SLC2A14: variants seen among roughly 807,000 people sequenced by gnomAD.
The protein encoded by SLC2A14 is solute carrier family 2 member 14.
In SLC2A14, 13 loss-of-function variants were observed where a neutral mutation model predicts 43.0. That is an observed-to-expected ratio of 0.30 (90% CI 0.20 to 0.48). The LOEUF is 0.48. SLC2A14 is among the 20% of genes least tolerant of loss of function. The pLI is 0.99. For missense variants in SLC2A14, 428 were observed against 620.4 expected (o/e 0.69, Z 3.29); for synonymous variants, 190 against 233.8 (o/e 0.81, Z 1.71).
chr12:7,844,590 T>A (rs1367297707), intron 2 of SLC2A14, among the ~76,000 whole-genome samples: 1 of 151,478 alleles, frequency 6.6e-6, no homozygotes, highest in Non-Finnish European at 1.5e-5. Context: ...AGGCTGGAGT[T>A]CAGTGGCACA....
chr12:7,869,822 G>C (rs752794739), intron 2 of SLC2A14, 41 bp downstream of exon 2: 1 of 1,310,324 alleles, frequency 7.6e-7, no homozygotes, highest in South Asian at 1.3e-5. Flanking sequence ...ACATAACTCT[G>C]ACAAACCAAT....
At chr12:7,878,077 T>G (rs1945494331), upstream of SLC2A14, among the ~76,000 whole-genome samples, 1 of 151,432 alleles carries the variant, frequency 6.6e-6, no homozygotes, top group East Asian at 2.0e-4. Flanking sequence ...TGAGACAGAG[T>G]TTCACTCTTG....
chr12:7,872,398 G>A (rs1233814741), intron 1 of SLC2A14: 1 of 152,022 alleles, frequency 6.6e-6, no homozygotes, highest in African/African-American at 2.4e-5. Flanking sequence ...TCCTCACAAA[G>A]GCCTCTCAGA....
chr12:7,854,035 TG>T (rs772741837), intron 2 of SLC2A14, among the ~76,000 whole-genome samples: 15 of 152,132 alleles, frequency 9.9e-5, no homozygotes, highest in Non-Finnish European at 1.9e-4. Flanking sequence ...TTTTCAATGA[TG>T]GCTTTCCCCC....
intron 2 of SLC2A14, among the ~76,000 whole-genome samples, chr12:7,836,931 G>A (rs1592205359): frequency 6.6e-6 from 1 of 152,112 alleles, no homozygotes; most frequent in Admixed American, 6.6e-5. Context: ...CATTTTAGGA[G>A]GCTGAGGCAG....
chr12:7,821,970 A>C (rs1404242133), intron 7 of SLC2A14, among the ~76,000 whole-genome samples: 2 of 151,434 alleles, frequency 1.3e-5, no homozygotes, highest in East Asian at 4.0e-4. Context: ...GATTACAGGC[A>C]TGTGCCACCA....
chr12:7,826,834 T>TTTCTTTCCTTCC lies in SLC2A14; in HGVS notation c.864+660_864+661insGGAAGGAAAGAA, dbSNP rs138356665. On this transcript the variant is annotated intron_variant, in intron 7 of 10. Coordinates refer to ENST00000431042, the MANE Select transcript of SLC2A14 (RefSeq NM_001286234.2). ...TCGCTCTTTTTTCTTTCTTTCTTTC[T>TTTCTTTCCTTCC]TTCCTTCCTTCCTTCCTTCCTTTCT... Among the ~76,000 whole-genome samples the TTTCTTTCCTTCC allele has an allele frequency of 1.6e-3, 46 of 29,622 alleles. 2 individuals carry two copies. The highest frequency in any genetic ancestry group is 4.1e-3 in the Admixed American group (9 of 2,218). 19.4% of individuals were successfully genotyped at this position (29,622 alleles called of 152,430 possible). A position where few individuals can be genotyped will look rare whatever the true frequency, so the allele number is the denominator to read the frequency against.
rs149992726 is a variant in SLC2A14, at chr12:7,865,217, C to A, written c.18+4646G>T. ...TGTCATTGTTTTGGCATGAACCATA[C>A]CTATATAAGACAATGAATATACAAA... On this transcript the variant is annotated intron_variant, in intron 2 of 10. Transcript: ENST00000431042. Among the ~76,000 whole-genome samples, 693 of 152,168 alleles carry A rather than the reference C, an allele frequency of 4.6e-3. 6 individuals are homozygous for A. The highest frequency in any genetic ancestry group is 0.015 in the African/African-American group (620 of 41,508).
chr12:7,874,948 ATATATT>A (rs1275085989), upstream of SLC2A14, among the ~76,000 whole-genome samples: 3 of 14,284 alleles, frequency 2.1e-4, no homozygotes, highest in African/African-American at 6.1e-4. Flanking sequence ...TTATATATAA[ATATATT>A]TATATATAAA....
intron 2 of SLC2A14, among the ~76,000 whole-genome samples, chr12:7,850,045 A>G (rs73057318): frequency 0.012 from 1,793 of 151,540 alleles, 20 homozygotes; most frequent in Non-Finnish European, 0.016. Context: ...AAAAAAAAAA[A>G]GAGCCAAGAA....
At chr12:7,827,083 CTTT>C (rs1864547101) in intron 7 of SLC2A14, among the ~76,000 whole-genome samples, 1 of 108,792 alleles carries the variant, frequency 9.2e-6, no homozygotes, top group Admixed American at 1.0e-4. Context: ...CTCTTTCTTT[CTTT>C]CTTTCTTTCT....
At chr12:7,841,811 G>A (rs1051726717) in intron 2 of SLC2A14, among the ~76,000 whole-genome samples, 1 of 151,904 alleles carries the variant, frequency 6.6e-6, no homozygotes, top group Non-Finnish European at 1.5e-5. Flanking sequence ...TTCGACACCA[G>A]CCCAACCAAC....
rs1415526850 is a variant in SLC2A14, at chr12:7,817,983, C to G, written c.1123G>C (p.Val375Leu). 1.2e-6 allele frequency: 2 copies of G among 1,614,022 alleles called. No individual in the cohort carries two copies. Among genetic ancestry groups the G allele is most frequent in the Admixed American group, 3.3e-5 (2 of 59,970 alleles). The change falls in exon 10 of 11, where the codon GTG (valine) becomes CTG (leucine). Residue 375 changes from valine to leucine, a missense_variant. Coordinates refer to ENST00000431042, the MANE Select transcript of SLC2A14 (RefSeq NM_001286234.2). Reference protein sequence around the residue: ...FVCIGAILVFVACFEIGPGPI... With the variant: ...FVCIGAILVFLACFEIGPGPI... ...CCTGGTCCAATTTCAAAACAGGCCA[C>G]AAAGACCAAGATAGCCCCAATACAG...
chr12:7,860,200 G>A (rs1245220245), intron 2 of SLC2A14, among the ~76,000 whole-genome samples: 1 of 152,156 alleles, frequency 6.6e-6, no homozygotes, highest in African/African-American at 2.4e-5. Context: ...GCTGAGGTGA[G>A]ATCAGTGGCT....
chr12:7,874,613 A>G (rs1480494842), upstream of SLC2A14, among the ~76,000 whole-genome samples: 1 of 150,668 alleles, frequency 6.6e-6, no homozygotes, highest in Non-Finnish European at 1.5e-5. Flanking sequence ...TGGAGGTTGC[A>G]GTGAGCCGAG....
intron 10 of SLC2A14, 51 bp downstream of exon 10, chr12:7,817,780 A>G (rs1863599242): frequency 6.3e-7 from 1 of 1,590,712 alleles, no homozygotes; most frequent in Non-Finnish European, 8.6e-7. Flanking sequence ...AGATAGATAG[A>G]CAGATACATA....
intron 7 of SLC2A14, among the ~76,000 whole-genome samples, chr12:7,826,849 C>T (rs1162699470): frequency 1.1e-4 from 1 of 9,232 alleles, no homozygotes; most frequent in Non-Finnish European, 3.9e-4. Flanking sequence ...TTCCTTCCTT[C>T]CTTCCTTTCT....
intron 9 of SLC2A14, 127 bp from the exon 10 acceptor site, chr12:7,818,161 C>A: frequency 2.4e-6 from 2 of 828,096 alleles, no homozygotes; most frequent in Non-Finnish European, 1.9e-6. Context: ...GCTGTGGAAT[C>A]AAAAGGCTTG....
At chr12:7,862,617 C>T (rs113289682) in intron 2 of SLC2A14, among the ~76,000 whole-genome samples, 4,455 of 152,188 alleles carry the variant, frequency 0.029, 90 homozygotes, top group Non-Finnish European at 0.041. Context: ...AGCACCGGTG[C>T]GTGATCCACT....
Sources: gnomAD v4.1 joint callset for allele counts (sites outside exome capture counted in the v4.1 genomes callset) on GRCh38, gnomAD v4.1.1 for gene constraint, MANE v1.5 for transcripts, NCBI Gene and HGNC (gene_info 2026-07-23, HGNC 2026-07-21) for gene names.